The following DEK variants were observed in gnomAD, a reference collection of about 807,000 sequenced individuals.
The protein encoded by DEK is DEK proto-oncogene.
A neutral mutation model predicts 46.8 loss-of-function variants in DEK; 28 were observed. That is an observed-to-expected ratio of 0.60 (90% CI 0.44 to 0.82). DEK has a LOEUF of 0.82. Among genes scored for constraint, DEK ranks in the 40% least tolerant of loss-of-function variants. The probability of loss-of-function intolerance (pLI) is 0.00; values close to 1 mark genes in which losing one functional copy is unlikely to be tolerated. For synonymous variants in DEK, 160 were observed against 144.5 expected (o/e 1.11, Z -0.77); for missense variants, 416 against 430.6 (o/e 0.97, Z 0.30).
intron 7 of DEK, among the ~76,000 whole-genome samples, chr6:18,248,646 A>T (rs1791227675): frequency 6.6e-6 from 1 of 152,214 alleles, no homozygotes; most frequent in Admixed American, 6.5e-5. Context: ...AACAAGCATG[A>T]ATTGTAAATA....
chr6:18,234,359 A>G (rs1328750285), intron 9 of DEK, among the ~76,000 whole-genome samples: 1 of 152,010 alleles, frequency 6.6e-6, no homozygotes, highest in African/African-American at 2.4e-5. Flanking sequence ...AAAAAAGAAA[A>G]AAATTGTTTG....
intron 9 of DEK, among the ~76,000 whole-genome samples, chr6:18,233,890 T>C (rs1253634896): frequency 6.6e-6 from 1 of 152,182 alleles, no homozygotes; most frequent in African/African-American, 2.4e-5. Context: ...TAAAGACACA[T>C]GCACATGTTA....
At chr6:18,253,702 T>C (rs1344071279) in intron 6 of DEK, among the ~76,000 whole-genome samples, 2 of 152,174 alleles carry the variant, frequency 1.3e-5, no homozygotes, top group African/African-American at 2.4e-5. Flanking sequence ...TCTTTTTATG[T>C]GAGGCTCGGT....
Position 18,257,942 on chromosome 6 carries a change from A to G in DEK, c.357+11T>C. 1.9e-6 allele frequency: 3 copies of G among 1,573,260 alleles called. No homozygotes were observed. The highest frequency in any genetic ancestry group is 2.6e-6 in the Non-Finnish European group (3 of 1,160,208). On this transcript the variant is annotated intron_variant, in intron 4 of 10. Transcript: ENST00000652689. Reference sequence around the variant, plus strand: ...ATATACAAGTAGGTTTAAAGTGTAAAAAGGTCTTACAGTGCCTGGCCTGTT... The same window carrying G: ...ATATACAAGTAGGTTTAAAGTGTAAGAAGGTCTTACAGTGCCTGGCCTGTT...
At chr6:18,227,927 T>C (rs150212976) in intron 9 of DEK, among the ~76,000 whole-genome samples, 5 of 152,294 alleles carry the variant, frequency 3.3e-5, no homozygotes, top group African/African-American at 1.2e-4. Flanking sequence ...CACTGCTCAG[T>C]CCCTCCCTAA....
chr6:18,258,204 A>C (rs913166090), intron 3 of DEK, 100 bp downstream of exon 3: 6 of 1,148,168 alleles, frequency 5.2e-6, no homozygotes, highest in African/African-American at 4.7e-5. Context: ...TTATACCAAA[A>C]GTATAAAACA....
intron 2 of DEK, among the ~76,000 whole-genome samples, chr6:18,261,511 C>T (rs1456677716): frequency 6.6e-6 from 1 of 152,192 alleles, no homozygotes; most frequent in Admixed American, 6.5e-5. Context: ...GCAGAGGTTG[C>T]GGTTAGCCGA....
At position 18,224,341 on chromosome 6, in the gene DEK, T is replaced by TAAC. The variant is rs1790016665; in HGVS notation, c.*1375_*1377dup. On this transcript the variant is annotated 3_prime_UTR_variant, in exon 11 of 11. Coordinates refer to ENST00000652689, the MANE Select transcript of DEK (RefSeq NM_003472.4). ...GAAACAAACCTGTGAAAATACCTGT[T>TAAC]AACATTCAACATATATTTTTATATA... The TAAC allele has an allele frequency of 5.4e-6, 1 of 185,190 alleles. No individual in the cohort carries two copies. The highest frequency in any genetic ancestry group is 6.2e-5 in the Admixed American group (1 of 16,076). The allele number at this position is 185,190 out of a possible 1,614,324, so 11.5% of individuals were successfully genotyped here. A position where few individuals can be genotyped will look rare whatever the true frequency, so the allele number is the denominator to read the frequency against.
intron 9 of DEK, 97 bp from the exon 10 acceptor site, chr6:18,226,339 T>A (rs536794658): frequency 9.6e-7 from 1 of 1,042,702 alleles, no homozygotes; most frequent in Non-Finnish European, 1.3e-6. Flanking sequence ...TACGTGCAAA[T>A]AGCCACAACC....
intron 1 of DEK, 53 bp from the exon 2 acceptor site, chr6:18,264,049 G>A (rs753940791): frequency 5.3e-6 from 8 of 1,511,020 alleles, no homozygotes; most frequent in South Asian, 1.3e-5. Context: ...CCGCAGGCAG[G>A]ACCGGGCGGC....
chr6:18,242,867 T>C (rs1024752033), intron 7 of DEK, among the ~76,000 whole-genome samples: 1 of 152,308 alleles, frequency 6.6e-6, no homozygotes, highest in African/African-American at 2.4e-5. Context: ...AAATCTTCTA[T>C]ATGTGAAATT....
At chr6:18,255,993 CTTTTTT>C in intron 5 of DEK, 142 bp from the exon 6 acceptor site, 1 of 717,206 alleles carries the variant, frequency 1.4e-6, no homozygotes, top group Non-Finnish European at 2.0e-6. Context: ...AATCTTTTTT[CTTTTTT>C]TTTTTTTGAG....
intron 8 of DEK, 23 bp downstream of exon 8, chr6:18,237,358 G>A: frequency 1.3e-6 from 2 of 1,581,288 alleles, no homozygotes; most frequent in Non-Finnish European, 8.5e-7. Context: ...TAAAGTTGCT[G>A]ATTAATGTTA....
chr6:18,255,904 T>G, intron 5 of DEK, 53 bp from the exon 6 acceptor site: 1 of 1,555,126 alleles, frequency 6.4e-7, no homozygotes, highest in Admixed American at 2.1e-5. Flanking sequence ...AGCTTACATA[T>G]GTTCTCCACA....
In DEK at chr6:18,236,508, T is replaced by C. The variant is rs879681955; in HGVS notation, c.991A>G (p.Lys331Glu). ...TCCAAGTTAGCACTGGCCAGTAATTTCTTTATTGTTTCCTTTAACTCTTCA... is the reference window on the plus strand; with the variant it reads ...TCCAAGTTAGCACTGGCCAGTAATTCCTTTATTGTTTCCTTTAACTCTTCA... ...TDEELKETIK[K>E]LLASANLEEV... is the part of the protein sequence containing the mutation. Residue 331 changes from lysine (K) to glutamate (E), a missense_variant, in exon 9 of 11, where the codon AAA becomes GAA. Physicochemically the swap from Lys to Glu is moderately conservative, Grantham distance 56. Coordinates refer to ENST00000652689, the MANE Select transcript of DEK (RefSeq NM_003472.4). The C allele has an allele frequency of 8.1e-6, 13 of 1,606,958 alleles. No individual in the cohort carries two copies. The highest frequency in any genetic ancestry group is 1.1e-5 in the Non-Finnish European group (13 of 1,178,002).
rs76124464 is a variant in DEK, at chr6:18,261,224, G to A, written c.145+2619C>T. ...CCAGCGTGCTCTGGATGCCAGACATGCAGTAAAAGGAGATAATTTTGGAGC... is the reference window on the plus strand; with the variant it reads ...CCAGCGTGCTCTGGATGCCAGACATACAGTAAAAGGAGATAATTTTGGAGC... On this transcript the variant is annotated intron_variant, in intron 2 of 10. Transcript: ENST00000652689. Among the ~76,000 whole-genome samples, 92 of 152,234 alleles carry A rather than the reference G, an allele frequency of 6.0e-4. No homozygotes were observed. In the East Asian group the frequency reaches 0.017, roughly 28 times the overall value.
At chr6:18,250,438 C>T (rs2151089514) in intron 6 of DEK, among the ~76,000 whole-genome samples, 1 of 152,168 alleles carries the variant, frequency 6.6e-6, no homozygotes, top group East Asian at 1.9e-4. Flanking sequence ...CACTGCAGTC[C>T]AGCCTGGGCA....
chr6:18,232,765 T>C (rs1486086953), intron 9 of DEK, among the ~76,000 whole-genome samples: 3 of 152,116 alleles, frequency 2.0e-5, no homozygotes, highest in Non-Finnish European at 4.4e-5. Context: ...AGAATCAATA[T>C]CTTGAAAATG....
At chr6:18,228,549 C>T (rs528113278) in intron 9 of DEK, among the ~76,000 whole-genome samples, 10 of 152,186 alleles carry the variant, frequency 6.6e-5, no homozygotes, top group East Asian at 5.8e-4. Context: ...TGCAGCCAAC[C>T]GAGCGTGAGC....
Sources: allele counts gnomAD v4.1 joint callset (sites outside exome capture counted in the v4.1 genomes callset), GRCh38; gene constraint gnomAD v4.1.1; transcripts MANE v1.5; gene names NCBI Gene and HGNC (gene_info 2026-07-23, HGNC 2026-07-21).